LMO7: variants seen among roughly 807,000 people sequenced by gnomAD.
LMO7 encodes LIM domain only protein 7.
LMO7 carries 120 observed loss-of-function variants against 206.5 expected under a neutral mutation model. The observed-to-expected ratio is 0.58, with a 90% CI of 0.50 to 0.68. The LOEUF (loss-of-function observed/expected upper bound fraction) is 0.68, where lower values mean the gene tolerates loss of function less well. LMO7 is among the 30% of genes least tolerant of loss of function. The pLI is 0.00. For missense variants in LMO7, 1,959 were observed against 1,957.9 expected (o/e 1.00, Z -0.01); for synonymous variants, 706 against 681.5 (o/e 1.04, Z -0.56).
chr13:75,686,287 C>G (rs1177632123), intron 1 of LMO7, among the ~76,000 whole-genome samples: 2 of 152,138 alleles, frequency 1.3e-5, no homozygotes, highest in Non-Finnish European at 2.9e-5. Context: ...GCATGTTTAC[C>G]TGGTGGCAGA....
intron 2 of LMO7, among the ~76,000 whole-genome samples, chr13:75,626,595 A>ATATTTTTTTTTTTTTTTTTT: frequency 4.2e-5 from 3 of 71,184 alleles, no homozygotes; most frequent in African/African-American, 7.2e-5. Context: ...ATATATATAA[A>ATATTTTTTTTTTTTTTTTTT]TTTTTTTGAG....
At chr13:75,727,176 A>G (rs1425655020) in intron 3 of LMO7, 78 bp downstream of exon 3, 2 of 827,900 alleles carry the variant, frequency 2.4e-6, no homozygotes, top group East Asian at 5.3e-5. Context: ...AGATTTTTGT[A>G]TCTGCAATTA....
rs892458629 is a variant in LMO7, at chr13:75,760,501, T to C, written c.211-431T>C. On this transcript the variant is annotated intron_variant, in intron 3 of 30. Coordinates refer to ENST00000377534, the MANE Select transcript of LMO7 (RefSeq NM_001306080.2). ...AATGTTCCTCCTCTTATTTCTTCCC[T>C]GCCAACAGTTTCTGGGTGGGTGAAT... 10 of 1,286,872 alleles carry C rather than the reference T, an allele frequency of 7.8e-6. No individual in the cohort carries two copies. In the African/African-American group the frequency reaches 1.1e-4, roughly 14 times the overall value. 79.7% of individuals were successfully genotyped at this position (1,286,872 alleles called of 1,614,324 possible). A position where few individuals can be genotyped will look rare whatever the true frequency, so the allele number is the denominator to read the frequency against.
intron 3 of LMO7, among the ~76,000 whole-genome samples, chr13:75,734,529 G>A (rs976034956): frequency 3.9e-5 from 6 of 152,052 alleles, no homozygotes; most frequent in African/African-American, 4.8e-5. Context: ...TAAAGGCATG[G>A]GTAATTAAAG....
intron 2 of LMO7, among the ~76,000 whole-genome samples, chr13:75,718,612 G>A (rs1479920347): frequency 1.3e-5 from 2 of 152,078 alleles, no homozygotes; most frequent in Non-Finnish European, 1.5e-5. Flanking sequence ...GGGTACATTG[G>A]TTACAAATGA....
intron 3 of LMO7, among the ~76,000 whole-genome samples, chr13:75,759,814 G>C (rs1481578476): frequency 1.3e-4 from 20 of 152,180 alleles, no homozygotes. Context: ...CTTAGGAAAA[G>C]AGTAATTGCC....
At chr13:75,645,352 TATTTTGTTATACCACC>T (rs1267997079) in intron 1 of LMO7, among the ~76,000 whole-genome samples, 1 of 152,138 alleles carries the variant, frequency 6.6e-6, no homozygotes, top group Non-Finnish European at 1.5e-5. Context: ...ATATCTGAGT[TATTTTGTTATACCACC>T]ATTTCATAAC....
chr13:75,805,128 A>T lies in LMO7; in HGVS notation c.915-351A>T, dbSNP rs9318375. The T allele has an allele frequency of 4.3e-3, 4,531 of 1,053,436 alleles. 158 individuals carry two copies. In the East Asian group the frequency reaches 0.12, roughly 29 times the overall value. 65.3% of individuals were successfully genotyped at this position (1,053,436 alleles called of 1,614,324 possible). On this transcript the variant is annotated intron_variant, in intron 8 of 30. Transcript: ENST00000377534. ...ATTTTCTCCTGCTGATATGTTTGCC[A>T]TGGGGCTATATGGACTGACGAGGTC...
At position 75,857,923 on chromosome 13, in the gene LMO7, G is replaced by A; in HGVS notation, c.4876G>A (p.Gly1626Arg). The change falls in exon 31 of 31, where the codon GGA becomes AGA. Residue 1626 changes from glycine to arginine, a missense_variant and splice_region_variant. Transcript: ENST00000377534. ...CNDCYLRFKSGRPTAM is the reference protein window; with the variant it reads ...CNDCYLRFKSRRPTAM ...TTCTTTTCTCCTTGCCCGATCAGCT[G>A]GACGGCCAACCGCCATGTGATGTAA... 1 of 1,596,940 alleles carries A rather than the reference G, an allele frequency of 6.3e-7. No individual in the cohort carries two copies. Among genetic ancestry groups the A allele is most frequent in the Non-Finnish European group, 8.5e-7 (1 of 1,173,286 alleles).
chr13:75,670,733 G>C (rs1269801062), intron 1 of LMO7, among the ~76,000 whole-genome samples: 1 of 152,096 alleles, frequency 6.6e-6, no homozygotes, highest in Non-Finnish European at 1.5e-5. Context: ...GGACATTACT[G>C]TACACTGCTG....
Position 75,760,952 on chromosome 13 carries a change from G to A in LMO7, c.231G>A (p.Leu77=), listed in dbSNP as rs1165780299. 1.9e-6 allele frequency: 3 copies of A among 1,613,442 alleles called. No individual in the cohort carries two copies. The highest frequency in any genetic ancestry group is 3.3e-5 in the Admixed American group (2 of 59,866). The stretch of plus-strand genomic sequence containing the variant: ...CACAGGATAATATAAACGTTTTCTT[G>A]AAAGCTTGTGAACAGATTGGATTGA... ...IAGLDNINVF[L]KACEQIGLKE... The change falls in exon 4 of 31, where the codon TTG becomes TTA. Residue 77 remains leucine (L), a synonymous_variant. Transcript: ENST00000377534.
chr13:75,687,718 C>T (rs2041130773), intron 1 of LMO7, among the ~76,000 whole-genome samples: 1 of 152,104 alleles, frequency 6.6e-6, no homozygotes, highest in African/African-American at 2.4e-5. Context: ...TTAAGAATTA[C>T]TTTTATAACA....
intron 11 of LMO7, among the ~76,000 whole-genome samples, chr13:75,816,443 CAT>C (rs1486854773): frequency 1.3e-5 from 2 of 152,204 alleles, no homozygotes; most frequent in African/African-American, 4.8e-5. Context: ...AGAGAGCACA[CAT>C]GTGCCTGTGC....
intron 25 of LMO7, among the ~76,000 whole-genome samples, chr13:75,843,516 G>T (rs985142732): frequency 6.6e-6 from 1 of 152,120 alleles, no homozygotes; most frequent in African/African-American, 2.4e-5. Flanking sequence ...TTTTAAAAAG[G>T]TTATGAATAA....
chr13:75,824,606 C>G (rs2057932052), intron 15 of LMO7, among the ~76,000 whole-genome samples: 1 of 152,068 alleles, frequency 6.6e-6, no homozygotes, highest in Non-Finnish European at 1.5e-5. Context: ...GTAAAACATA[C>G]TGAAAGCATT....
upstream of LMO7, among the ~76,000 whole-genome samples, chr13:75,635,504 C>T (rs2035673992): frequency 1.3e-5 from 2 of 152,214 alleles, no homozygotes; most frequent in African/African-American, 2.4e-5. Context: ...TGCCACCTCG[C>T]TGTCCCCTGA....
chr13:75,730,728 C>T (rs1312633382), intron 3 of LMO7, among the ~76,000 whole-genome samples: 2 of 135,040 alleles, frequency 1.5e-5, no homozygotes, highest in East Asian at 4.4e-4. Flanking sequence ...GTTAGGGTGT[C>T]AATTTTGGAT....
intron 27 of LMO7, among the ~76,000 whole-genome samples, chr13:75,850,150 A>T (rs1483849055): frequency 1.3e-5 from 2 of 152,216 alleles, no homozygotes; most frequent in African/African-American, 4.8e-5. Flanking sequence ...GGATATGAAC[A>T]GATAGTTCGT....
At chr13:75,845,230 C>A in intron 25 of LMO7, 97 bp from the exon 26 acceptor site, 1 of 581,984 alleles carries the variant, frequency 1.7e-6, no homozygotes, top group African/African-American at 2.0e-5. Flanking sequence ...AATAAATCAA[C>A]TGCTTTAAAA....
Sources: allele counts gnomAD v4.1 joint callset (sites outside exome capture counted in the v4.1 genomes callset), GRCh38; gene constraint gnomAD v4.1.1; transcripts MANE v1.5; gene names NCBI Gene and HGNC (gene_info 2026-07-23, HGNC 2026-07-21).